Variants in TENM3 observed in about 807,000 individuals in gnomAD.
TENM3 encodes the protein teneurin transmembrane protein 3, also known as teneurin-3.
TENM3 carries 63 observed loss-of-function variants against 255.1 expected under a neutral mutation model. The ratio of observed to expected loss-of-function variants is 0.25; its 90% confidence interval spans 0.20 to 0.30. The LOEUF (loss-of-function observed/expected upper bound fraction) is 0.30. Among genes scored for constraint, TENM3 ranks in the 10% least tolerant of loss-of-function variants. TENM3 has a pLI of 1.00. For missense variants in TENM3, 2,929 were observed against 3,461.1 expected, an observed-to-expected ratio of 0.85 and a Z score of 3.86; for synonymous variants, 1,306 against 1,322.3, an observed-to-expected ratio of 0.99 and a Z score of 0.27.
the TENM3 span, among the ~76,000 whole-genome samples, chr4:181,792,900 A>T: frequency 6.6e-6 from 1 of 152,130 alleles, no homozygotes; most frequent in African/African-American, 2.4e-5. Flanking sequence ...GGTTGGAAAA[A>T]ATCCAGTCAT....
chr4:181,534,628 A>G, the TENM3 span, among the ~76,000 whole-genome samples: 8 of 152,170 alleles, frequency 5.3e-5, no homozygotes, highest in East Asian at 1.5e-3. Context: ...GACTGCCCAG[A>G]GAAGGAAAGA....
At chr4:182,037,133 C>T in the TENM3 span, among the ~76,000 whole-genome samples, 6 of 146,470 alleles carry the variant, frequency 4.1e-5, no homozygotes, top group African/African-American at 1.5e-4. Flanking sequence ...TCTCCCCCTC[C>T]AATCCAAACT....
At chr4:181,468,874 C>T in the TENM3 span, among the ~76,000 whole-genome samples, 1 of 152,176 alleles carries the variant, frequency 6.6e-6, no homozygotes. Context: ...CTGGAAAAGT[C>T]GTTACATTTT....
the TENM3 span, among the ~76,000 whole-genome samples, chr4:181,612,161 A>C: frequency 6.6e-6 from 1 of 152,136 alleles, no homozygotes; most frequent in Non-Finnish European, 1.5e-5. Context: ...CCTCTGTGTC[A>C]TAGTTTCATT....
chr4:182,551,936 T>C (rs1280668659), intron 3 of TENM3, among the ~76,000 whole-genome samples: 3 of 151,450 alleles, frequency 2.0e-5, no homozygotes. Context: ...GAGGATTGCT[T>C]GAGCCTGGGA....
chr4:182,626,589 T>G (rs760194409), intron 4 of TENM3, among the ~76,000 whole-genome samples: 1 of 152,116 alleles, frequency 6.6e-6, no homozygotes, highest in Non-Finnish European at 1.5e-5. Context: ...TTGCAGCTAT[T>G]TATAGGTGAA....
chr4:181,674,295 G>A, the TENM3 span, among the ~76,000 whole-genome samples: 1 of 152,092 alleles, frequency 6.6e-6, no homozygotes, highest in Non-Finnish European at 1.5e-5. Context: ...ACTGCACCCA[G>A]CCTAGTGAAT....
chr4:182,739,836 G>A (rs1761465188), intron 18 of TENM3, among the ~76,000 whole-genome samples: 1 of 152,166 alleles, frequency 6.6e-6, no homozygotes, highest in Admixed American at 6.5e-5. Flanking sequence ...AGGAGTTTGA[G>A]ACCAGCCTGG....
At chr4:182,650,925 A>T (rs11940911) in intron 5 of TENM3, among the ~76,000 whole-genome samples, 2,287 of 15,992 alleles carry the variant, frequency 0.14, 28 homozygotes, top group South Asian at 0.29. Context: ...TATATATATA[A>T]AACAAAGCTG....
At chr4:181,491,970 A>G in the TENM3 span, among the ~76,000 whole-genome samples, 1 of 152,316 alleles carries the variant, frequency 6.6e-6, no homozygotes, top group Non-Finnish European at 1.5e-5. Flanking sequence ...ATTCTAGTGA[A>G]TGGCGTTTTG....
chr4:182,734,499 T>C (rs1011166275), intron 16 of TENM3, among the ~76,000 whole-genome samples: 2 of 152,188 alleles, frequency 1.3e-5, no homozygotes, highest in Admixed American at 6.5e-5. Flanking sequence ...AACAGGCTGT[T>C]CTTGTGAAGT....
chr4:181,590,117 G>A, the TENM3 span, among the ~76,000 whole-genome samples: 5 of 152,112 alleles, frequency 3.3e-5, no homozygotes, highest in South Asian at 2.1e-4. Context: ...ATTTTTATTC[G>A]TACCCACAAG....
chr4:182,797,711 C>G (rs184681209), intron 27 of TENM3, among the ~76,000 whole-genome samples: 22 of 152,130 alleles, frequency 1.4e-4, no homozygotes, highest in Non-Finnish European at 2.8e-4. Context: ...TTCCAGCTTA[C>G]AGTAAGAATA....
the TENM3 span, among the ~76,000 whole-genome samples, chr4:181,571,238 G>C: frequency 6.6e-6 from 1 of 152,172 alleles, no homozygotes; most frequent in South Asian, 2.1e-4. Context: ...GGACAGAAGA[G>C]CAACTACATC....
chr4:181,731,591 G>A, the TENM3 span, among the ~76,000 whole-genome samples: 8 of 151,990 alleles, frequency 5.3e-5, no homozygotes, highest in African/African-American at 7.2e-5. Flanking sequence ...GAGCTCAAGC[G>A]ATCCACCTGC....
chr4:182,479,826 A>G (rs946489471), intron 3 of TENM3, among the ~76,000 whole-genome samples: 1 of 151,982 alleles, frequency 6.6e-6, no homozygotes, highest in South Asian at 2.1e-4. Context: ...GGAAAACCCA[A>G]TATATATTGA....
intron 3 of TENM3, among the ~76,000 whole-genome samples, chr4:182,597,539 TTA>T (rs761682631): frequency 1.3e-5 from 2 of 152,194 alleles, no homozygotes; most frequent in African/African-American, 2.4e-5. Flanking sequence ...ATGCAACTGA[TTA>T]TGTTTCCCTC....
At position 182,801,145 on chromosome 4, in the gene TENM3, T is replaced by A. The variant is rs1334096480; in HGVS notation, c.*794T>A. The A allele has an allele frequency of 6.6e-6, 1 of 152,654 alleles. No individual in the cohort carries two copies. The highest frequency in any genetic ancestry group is 1.5e-5 in the Non-Finnish European group (1 of 68,054). The allele number at this position is 152,654 out of a possible 1,614,324, so 9.5% of individuals were successfully genotyped here. On this transcript the variant is annotated 3_prime_UTR_variant, in exon 28 of 28. Coordinates refer to ENST00000511685, the MANE Select transcript of TENM3 (RefSeq NM_001080477.4). ...AAAAACGTGAACTGTGTGATTTTTT[T>A]AAAAGGATTGCACCTTTTGTTATCT... is the stretch of plus-strand genomic sequence containing the variant.
At chr4:181,854,712 C>G in the TENM3 span, among the ~76,000 whole-genome samples, 1 of 152,224 alleles carries the variant, frequency 6.6e-6, no homozygotes, top group East Asian at 1.9e-4. Flanking sequence ...TCAGTAGGGC[C>G]CAAGAAGTCA....
Sources: gnomAD v4.1 joint callset for allele counts (sites outside exome capture counted in the v4.1 genomes callset) on GRCh38, gnomAD v4.1.1 for gene constraint, MANE v1.5 for transcripts, NCBI Gene and HGNC (gene_info 2026-07-23, HGNC 2026-07-21) for gene names.